PRDM11: variants seen among roughly 807,000 people sequenced by gnomAD.
PRDM11 encodes PR/SET domain 11, also known as PR domain-containing protein 11.
Under a neutral mutation model 97.8 loss-of-function variants are expected in PRDM11, and 20 were observed. The ratio of observed to expected loss-of-function variants is 0.20; its 90% confidence interval spans 0.14 to 0.30. The LOEUF (loss-of-function observed/expected upper bound fraction) is 0.30, where lower values mean the gene tolerates loss of function less well. PRDM11 is among the 10% of genes least tolerant of loss of function. The pLI is 1.00. For missense variants in PRDM11, 1,139 were observed against 1,555.2 expected, an observed-to-expected ratio of 0.73 and a Z score of 4.50; for synonymous variants, 599 against 637.7, an observed-to-expected ratio of 0.94 and a Z score of 0.91.
At chr11:45,151,149 T>G (rs1032672390) in intron 1 of PRDM11, among the ~76,000 whole-genome samples, 2 of 152,156 alleles carry the variant, frequency 1.3e-5, no homozygotes, top group African/African-American at 4.8e-5. Flanking sequence ...CATGGGGTTC[T>G]TGGCTCAGAG....
At chr11:45,192,773 G>T (rs1382693257) in intron 4 of PRDM11, among the ~76,000 whole-genome samples, 1 of 152,054 alleles carries the variant, frequency 6.6e-6, no homozygotes, top group East Asian at 1.9e-4. Flanking sequence ...CATATAGCTT[G>T]GTAAACACAA....
upstream of PRDM11, among the ~76,000 whole-genome samples, chr11:45,141,890 G>A (rs1482674059): frequency 6.6e-6 from 1 of 152,170 alleles, no homozygotes; most frequent in Non-Finnish European, 1.5e-5. Flanking sequence ...AGGGAAGGGA[G>A]TTTTTGTTGT....
intron 1 of PRDM11, among the ~76,000 whole-genome samples, chr11:45,163,069 T>C (rs559153437): frequency 4.7e-4 from 71 of 151,678 alleles, no homozygotes; most frequent in Non-Finnish European, 8.2e-4. Flanking sequence ...TCCCAAGGAG[T>C]GGGTGGTACT....
At chr11:45,204,584 G>T in intron 4 of PRDM11, 127 bp from the exon 5 acceptor site, 3 of 811,244 alleles carry the variant, frequency 3.7e-6, no homozygotes, top group South Asian at 3.0e-5. Context: ...CTGTAGCAGT[G>T]GTGACATTTC....
rs562005790 is a variant in PRDM11, at chr11:45,229,906, G to C, written c.*1747G>C. On this transcript the variant is annotated 3_prime_UTR_variant, in exon 8 of 8. Transcript: ENST00000683152. ...GGTTCAGACATTATAAAACTGTGGT[G>C]GCTTCCTTCCTTCTTGGTTTATGTT... 2.6e-5 allele frequency: 4 copies of C among 152,184 alleles called. No individual in the cohort carries two copies. The highest frequency in any genetic ancestry group is 9.6e-5 in the African/African-American group (4 of 41,494). 9.4% of individuals were successfully genotyped at this position (152,184 alleles called of 1,614,324 possible). A position where few individuals can be genotyped will look rare whatever the true frequency, so the allele number is the denominator to read the frequency against.
rs1412102306 is a variant in PRDM11 at position 45,182,340 on chromosome 11, G to T, written c.214G>T (p.Asp72Tyr). The T allele has an allele frequency of 2.5e-6, 4 of 1,613,634 alleles. No homozygotes were observed. In the African/African-American group the frequency reaches 5.3e-5, roughly 22 times the overall value. ...LIVPKSFQQV[D>Y]FWFCESCQEY... ...CGTGCCCAAAAGCTTCCAGCAAGTGGACTTCTGGTGTAAGTGGAGCTTGGG... is the reference window on the plus strand; with the variant it reads ...CGTGCCCAAAAGCTTCCAGCAAGTGTACTTCTGGTGTAAGTGGAGCTTGGG... The change falls in exon 3 of 8, where the codon GAC (aspartate) becomes TAC (tyrosine). Residue 72 changes from aspartate (D) to tyrosine (Y), a missense_variant. By Grantham distance (160) the Asp-to-Tyr change is radical (BLOSUM62 -3). Around this residue, in one of 2 missense-constraint regions of PRDM11, gnomAD observed 429 missense variants for 510.3 expected, o/e 0.84. Transcript: ENST00000683152.
intron 4 of PRDM11, among the ~76,000 whole-genome samples, chr11:45,184,988 G>C (rs1852653197): frequency 6.6e-6 from 1 of 152,166 alleles, no homozygotes; most frequent in Non-Finnish European, 1.5e-5. Context: ...TTTGCAGCCA[G>C]AGAGGTAGGA....
At chr11:45,119,772 A>T (rs1852389775) in intron 1 of PRDM11, among the ~76,000 whole-genome samples, 2 of 152,150 alleles carry the variant, frequency 1.3e-5, no homozygotes, top group African/African-American at 2.4e-5. Flanking sequence ...AGAATAAAAG[A>T]CTAAACCCTA....
upstream of PRDM11, among the ~76,000 whole-genome samples, chr11:45,094,554 A>G (rs973789748): frequency 8.1e-6 from 1 of 122,990 alleles, no homozygotes; most frequent in Admixed American, 9.5e-5. Flanking sequence ...ATATGACGGG[A>G]GGAAAGAGGA....
chr11:45,181,691 C>A, intron 1 of PRDM11, 70 bp from the exon 2 acceptor site: 2 of 1,360,672 alleles, frequency 1.5e-6, no homozygotes, highest in Non-Finnish European at 2.1e-6. Flanking sequence ...CTTGCCCTCT[C>A]CGCCGCTCAC....
chr11:45,148,975 C>T (rs1406941341), intron 1 of PRDM11, among the ~76,000 whole-genome samples: 4 of 152,148 alleles, frequency 2.6e-5, no homozygotes, highest in Non-Finnish European at 5.9e-5. Flanking sequence ...GCCAAGAGCA[C>T]ACTGTCCCAC....
Position 45,183,040 on chromosome 11 carries a change from G to T in PRDM11, c.403G>T (p.Val135Phe), listed in dbSNP as rs1852572557. The T allele has an allele frequency of 3.1e-6, 5 of 1,614,144 alleles. No homozygotes were observed. Among genetic ancestry groups the T allele is most frequent in the Non-Finnish European group, 4.2e-6 (5 of 1,180,022 alleles). The change falls in exon 4 of 8, where the codon GTC becomes TTC. Residue 135 changes from valine (V) to phenylalanine (F), a missense_variant. Coordinates refer to ENST00000683152, the MANE Select transcript of PRDM11 (RefSeq NM_001384648.1). ...GAGTGACGTGCGATGTGTAAACGAGGTCATCCCCAAGGGCCACATCTTCGG... is the reference window on the plus strand; with the variant it reads ...GAGTGACGTGCGATGTGTAAACGAGTTCATCCCCAAGGGCCACATCTTCGG... ...GESDVRCVNE[V>F]IPKGHIFGPY...
intron 1 of PRDM11, among the ~76,000 whole-genome samples, chr11:45,152,681 G>A (rs1355271522): frequency 6.6e-6 from 1 of 152,174 alleles, no homozygotes; most frequent in Non-Finnish European, 1.5e-5. Context: ...TCTTCACAGC[G>A]ATGCCCTGAT....
At chr11:45,178,831 G>T (rs1254749244) in intron 1 of PRDM11, among the ~76,000 whole-genome samples, 1 of 152,206 alleles carries the variant, frequency 6.6e-6, no homozygotes, top group Admixed American at 6.5e-5. Context: ...TGGCCCTGGT[G>T]CCAGGCACTG....
chr11:45,201,979 A>AG (rs1043295843), intron 4 of PRDM11, among the ~76,000 whole-genome samples: 5 of 152,072 alleles, frequency 3.3e-5, no homozygotes, highest in Non-Finnish European at 7.4e-5. Flanking sequence ...CTCAAAAAAA[A>AG]AAAATTCTTT....
chr11:45,212,686 C>T (rs1176328445), intron 5 of PRDM11: 1 of 456,458 alleles, frequency 2.2e-6, no homozygotes, highest in Non-Finnish European at 4.4e-6. Context: ...CGCACCCCAG[C>T]CCACCCACCA....
intron 1 of PRDM11, among the ~76,000 whole-genome samples, chr11:45,132,091 G>A (rs1852734051): frequency 6.6e-6 from 1 of 152,212 alleles, no homozygotes; most frequent in African/African-American, 2.4e-5. Context: ...TCACTGGCCA[G>A]AACTGTATCA....
At chr11:45,123,416 C>T (rs914390110) in intron 1 of PRDM11, among the ~76,000 whole-genome samples, 7 of 150,882 alleles carry the variant, frequency 4.6e-5, no homozygotes, top group African/African-American at 1.2e-4. Context: ...GAAGTCCTTG[C>T]CCATGCCTAT....
intron 1 of PRDM11, among the ~76,000 whole-genome samples, chr11:45,099,937 C>G (rs1367847455): frequency 6.6e-6 from 1 of 152,168 alleles, no homozygotes; most frequent in African/African-American, 2.4e-5. Flanking sequence ...GTCTGACTCT[C>G]AAATTCACAG....
Sources: allele counts gnomAD v4.1 joint callset (sites outside exome capture counted in the v4.1 genomes callset), GRCh38; gene constraint gnomAD v4.1.1; regional missense constraint gnomAD v4.1.1; transcripts MANE v1.5; gene names NCBI Gene and HGNC (gene_info 2026-07-23, HGNC 2026-07-21).